The following THSD7B variants were observed in gnomAD, a reference collection of about 807,000 sequenced individuals.
THSD7B encodes the protein thrombospondin type 1 domain containing 7B.
THSD7B carries 138 observed loss-of-function variants against 213.6 expected under a neutral mutation model. That is an observed-to-expected ratio of 0.65 (90% confidence interval 0.56 to 0.74). The LOEUF (loss-of-function observed/expected upper bound fraction) is 0.74. Among genes scored for constraint, THSD7B ranks in the 30% least tolerant of loss-of-function variants. The probability of loss-of-function intolerance (pLI) is 0.00; values close to 1 mark genes in which losing one functional copy is unlikely to be tolerated. For synonymous variants in THSD7B, 742 were observed against 687.0 expected (o/e 1.08, Z -1.25); for missense variants, 1,931 against 1,991.5 (o/e 0.97, Z 0.58).
At chr2:137,065,076 G>A (rs1166400790) in intron 3 of THSD7B, among the ~76,000 whole-genome samples, 2 of 151,796 alleles carry the variant, frequency 1.3e-5, no homozygotes, top group African/African-American at 2.4e-5. Flanking sequence ...TTTTCATAGG[G>A]ATTGCACTAA....
At chr2:137,366,508 A>G (rs1196389077) in intron 12 of THSD7B, among the ~76,000 whole-genome samples, 1 of 152,146 alleles carries the variant, frequency 6.6e-6, no homozygotes, top group Non-Finnish European at 1.5e-5. Flanking sequence ...ATATCTGTGG[A>G]CAAAATATTT....
chr2:137,342,283 T>C (rs1247686776), intron 12 of THSD7B, among the ~76,000 whole-genome samples: 2 of 151,602 alleles, frequency 1.3e-5, no homozygotes, highest in African/African-American at 4.8e-5. Context: ...GATTGTCCTC[T>C]TGATTTTTTT....
At chr2:137,382,437 G>T (rs1013920176) in intron 12 of THSD7B, among the ~76,000 whole-genome samples, 1 of 152,218 alleles carries the variant, frequency 6.6e-6, no homozygotes, top group African/African-American at 2.4e-5. Flanking sequence ...AGATGGTTTT[G>T]GTTGGGGCCT....
intron 27 of THSD7B, among the ~76,000 whole-genome samples, chr2:137,675,757 G>T (rs1032065342): frequency 1.5e-4 from 23 of 152,102 alleles, no homozygotes; most frequent in African/African-American, 5.3e-4. Flanking sequence ...TGTGTGGGCA[G>T]GGCAAAGCAA....
chr2:137,134,240 C>A (rs1224139646), intron 5 of THSD7B, among the ~76,000 whole-genome samples: 1 of 152,144 alleles, frequency 6.6e-6, no homozygotes, highest in Non-Finnish European at 1.5e-5. Context: ...CTCTTACCCG[C>A]TGTTTCAGAG....
chr2:136,982,090 G>T (rs1685585849), intron 2 of THSD7B, among the ~76,000 whole-genome samples: 1 of 152,162 alleles, frequency 6.6e-6, no homozygotes, highest in African/African-American at 2.4e-5. Context: ...TGAACTGTTT[G>T]TTTAAAAGCC....
chr2:137,281,496 G>A (rs1683012109), intron 12 of THSD7B, among the ~76,000 whole-genome samples: 1 of 151,854 alleles, frequency 6.6e-6, no homozygotes, highest in South Asian at 2.1e-4. Context: ...CCATGTTGGT[G>A]TGCTGCACCC....
intron 12 of THSD7B, 70 bp downstream of exon 12, chr2:137,276,096 C>T: frequency 9.3e-7 from 1 of 1,077,694 alleles, no homozygotes; most frequent in Non-Finnish European, 1.3e-6. Flanking sequence ...ATATGTGTTG[C>T]TTACTTTTAT....
chr2:137,497,187 A>G (rs1339828302), intron 15 of THSD7B, among the ~76,000 whole-genome samples: 2 of 137,966 alleles, frequency 1.4e-5, no homozygotes, highest in Admixed American at 7.9e-5. Flanking sequence ...AGACACACAT[A>G]CAACACATAC....
chr2:136,766,385 G>GA (rs1220792745), intron 1 of THSD7B, among the ~76,000 whole-genome samples: 1 of 150,780 alleles, frequency 6.6e-6, no homozygotes, highest in Non-Finnish European at 1.5e-5. Context: ...AGGAAACTGG[G>GA]AACGGGGCTT....
At chr2:136,891,793 A>G (rs547450409) in intron 2 of THSD7B, among the ~76,000 whole-genome samples, 246 of 152,130 alleles carry the variant, frequency 1.6e-3, no homozygotes, top group Middle Eastern at 0.01. Flanking sequence ...GCAATTCTCT[A>G]TTGCTGTGTA....
chr2:137,607,963 C>G (rs1259734184), intron 17 of THSD7B, among the ~76,000 whole-genome samples: 1 of 152,112 alleles, frequency 6.6e-6, no homozygotes, highest in African/African-American at 2.4e-5. Context: ...TCCTAACTTC[C>G]TCTTTGCAGT....
intron 6 of THSD7B, among the ~76,000 whole-genome samples, chr2:137,167,684 A>T (rs1680163949): frequency 6.6e-6 from 1 of 152,144 alleles, no homozygotes; most frequent in African/African-American, 2.4e-5. Context: ...CTGTAGAATT[A>T]TACACTAAAT....
At chr2:136,978,566 A>T (rs10176891) in intron 2 of THSD7B, among the ~76,000 whole-genome samples, 11,272 of 151,956 alleles carry the variant, frequency 0.074, 650 homozygotes, top group African/African-American at 0.15. Context: ...TCTCTTTTGG[A>T]TCTTTGTTAA....
chr2:137,163,635 G>A (rs574848379), intron 6 of THSD7B, among the ~76,000 whole-genome samples: 4 of 152,330 alleles, frequency 2.6e-5, no homozygotes, highest in East Asian at 3.9e-4. Context: ...GCATGGCCCT[G>A]CTGACACCTT....
At chr2:136,767,789 T>C (rs926217500) in intron 1 of THSD7B, among the ~76,000 whole-genome samples, 1 of 152,174 alleles carries the variant, frequency 6.6e-6, no homozygotes, top group African/African-American at 2.4e-5. Context: ...GAAAGGGCTG[T>C]CTACTGTTGG....
At chr2:137,521,183 C>T (rs1680177244) in intron 15 of THSD7B, among the ~76,000 whole-genome samples, 1 of 152,144 alleles carries the variant, frequency 6.6e-6, no homozygotes, top group Non-Finnish European at 1.5e-5. Flanking sequence ...GATTTGAGCA[C>T]TCTGTCCCCA....
At chr2:137,169,674 G>A (rs758650945) in intron 6 of THSD7B, among the ~76,000 whole-genome samples, 1 of 152,148 alleles carries the variant, frequency 6.6e-6, no homozygotes, top group African/African-American at 2.4e-5. Flanking sequence ...AAAGGAATCT[G>A]TTGATTGAAT....
intron 12 of THSD7B, among the ~76,000 whole-genome samples, chr2:137,357,084 T>G (rs1409695457): frequency 1.3e-5 from 2 of 151,994 alleles, no homozygotes; most frequent in Non-Finnish European, 2.9e-5. Context: ...TATTTTCTAT[T>G]TATATTTGTT....
Sources: allele counts gnomAD v4.1 joint callset (sites outside exome capture counted in the v4.1 genomes callset), GRCh38; gene constraint gnomAD v4.1.1; transcripts MANE v1.5; gene names NCBI Gene and HGNC (gene_info 2026-07-23, HGNC 2026-07-21).